The following ERP27 variants were observed in gnomAD, a reference collection of about 807,000 sequenced individuals.
ERP27 encodes the protein endoplasmic reticulum protein 27, also known as endoplasmic reticulum resident protein 27.
ERP27 carries 23 observed loss-of-function variants against 27.7 expected under a neutral mutation model. That is an observed-to-expected ratio of 0.83 (90% confidence interval 0.60 to 1.18). The LOEUF (loss-of-function observed/expected upper bound fraction) is 1.18, where lower values mean the gene tolerates loss of function less well. Among genes scored for constraint, ERP27 ranks in the 50% most tolerant of loss-of-function variants. ERP27 has a pLI of 0.00. For missense variants in ERP27, 363 were observed against 327.9 expected (o/e 1.11, Z -0.83); for synonymous variants, 159 against 118.3 (o/e 1.34, Z -2.23).
intron 3 of ERP27, among the ~76,000 whole-genome samples, chr12:14,923,923 C>T (rs1758499544): frequency 6.6e-6 from 1 of 152,154 alleles, no homozygotes; most frequent in South Asian, 2.1e-4. Context: ...ACTCACCCTA[C>T]TGTGCAATAG....
intron 3 of ERP27, among the ~76,000 whole-genome samples, chr12:14,932,430 A>G (rs1308997702): frequency 6.6e-6 from 1 of 152,162 alleles, no homozygotes; most frequent in African/African-American, 2.4e-5. Flanking sequence ...TCTAGACAGA[A>G]GGAATAGTCT....
intron 4 of ERP27, 65 bp downstream of exon 4, chr12:14,920,867 T>TA (rs1863490973): frequency 4.0e-6 from 5 of 1,256,108 alleles, no homozygotes; most frequent in Non-Finnish European, 1.2e-6. Flanking sequence ...AGACCTCTGT[T>TA]ATGAAGACCA....
intron 1 of ERP27, 68 bp downstream of exon 1, chr12:14,938,347 C>T: frequency 1.3e-6 from 2 of 1,492,016 alleles, no homozygotes. Flanking sequence ...CAGAGAACCA[C>T]CATGCTCCCT....
At chr12:14,931,489 G>T (rs1320446237) in intron 3 of ERP27, among the ~76,000 whole-genome samples, 10 of 152,110 alleles carry the variant, frequency 6.6e-5, no homozygotes, top group Admixed American at 6.5e-4. Flanking sequence ...CAAAAGTTGA[G>T]CTTCTTCCAG....
chr12:14,915,978 T>A, intron 5 of ERP27: 1 of 251,854 alleles, frequency 4.0e-6, no homozygotes, highest in Non-Finnish European at 7.6e-6. Context: ...TGAGAACTCC[T>A]GAACACAAAG....
chr12:14,918,133 G>A (rs1004920074), intron 4 of ERP27, among the ~76,000 whole-genome samples: 1 of 152,108 alleles, frequency 6.6e-6, no homozygotes, highest in Non-Finnish European at 1.5e-5. Flanking sequence ...AATCTTCAAG[G>A]TCCCAGTTTT....
chr12:14,929,258 A>T, intron 3 of ERP27: 1 of 671,706 alleles, frequency 1.5e-6, no homozygotes, highest in Non-Finnish European at 2.1e-6. Flanking sequence ...TTGGAGGCAG[A>T]GGATGTTAAG....
intron 5 of ERP27, among the ~76,000 whole-genome samples, chr12:14,916,795 C>T (rs982125500): frequency 5.9e-5 from 9 of 151,946 alleles, no homozygotes; most frequent in Non-Finnish European, 1.2e-4. Flanking sequence ...TGAGCAGGCA[C>T]CAGGTACTTG....
intron 3 of ERP27, among the ~76,000 whole-genome samples, chr12:14,930,102 C>T (rs745794757): frequency 1.1e-4 from 17 of 151,946 alleles, no homozygotes; most frequent in Non-Finnish European, 2.1e-4. Context: ...TAGATAGGTG[C>T]AGCAAACCAC....
At chr12:14,929,448 T>C (rs9651807) in intron 3 of ERP27, among the ~76,000 whole-genome samples, 11,308 of 152,190 alleles carry the variant, frequency 0.074, 1,283 homozygotes, top group African/African-American at 0.24. Context: ...ACAGGAAATC[T>C]CCCTCTGTAA....
intron 3 of ERP27, among the ~76,000 whole-genome samples, chr12:14,924,045 C>T (rs1863556983): frequency 6.6e-6 from 1 of 152,136 alleles, no homozygotes; most frequent in Admixed American, 6.5e-5. Context: ...CCTCCGCTCC[C>T]CAGCTTTCCA....
Position 14,938,020 on chromosome 12 carries a change from G to C in ERP27, c.127C>G (p.Leu43Val), listed in dbSNP as rs1863797661. The C allele has an allele frequency of 6.2e-7, 1 of 1,614,108 alleles. No individual in the cohort carries two copies. Among genetic ancestry groups the C allele is most frequent in the East Asian group, 2.2e-5 (1 of 44,870 alleles). Reference protein sequence around the residue: ...GPGAAQEPTWLTDVPAAMEFI... With the variant: ...GPGAAQEPTWVTDVPAAMEFI... ...TCCATGGCAGCTGGGACATCTGTGA[G>C]CCACGTGGGTTCCTGGGCAGCACCA... Residue 43 changes from leucine (L) to valine (V), a missense_variant, in exon 2 of 7, where the codon CTC becomes GTC. Transcript: ENST00000266397.
At chr12:14,938,263 C>T in intron 1 of ERP27, 152 bp downstream of exon 1, 1 of 847,388 alleles carries the variant, frequency 1.2e-6, no homozygotes, top group Non-Finnish European at 1.9e-6. Context: ...GCCAGACTTC[C>T]CTACTCTCTA....
At position 14,935,142 on chromosome 12, in the gene ERP27, G is replaced by A. The variant is rs997526814; in HGVS notation, c.196-149C>T. 2.4e-5 allele frequency: 35 copies of A among 1,438,560 alleles called. No individual in the cohort carries two copies. The East Asian group carries it at 8.4e-4, about 34-fold the overall frequency. 89.1% of individuals were successfully genotyped at this position (1,438,560 alleles called of 1,614,324 possible). On this transcript the variant is annotated intron_variant, in intron 2 of 6. Transcript: ENST00000266397. ...ACATGATTTACCCCTAACAATTCAG[G>A]TTTAACTGGCAGTGACATTCTTGAA...
intron 4 of ERP27, among the ~76,000 whole-genome samples, chr12:14,919,500 A>G (rs1184678298): frequency 6.6e-6 from 1 of 152,108 alleles, no homozygotes; most frequent in East Asian, 1.9e-4. Flanking sequence ...TACTGCCAAT[A>G]CCCCAGGGGC....
intron 2 of ERP27, among the ~76,000 whole-genome samples, chr12:14,936,447 T>C (rs1863774632): frequency 6.6e-6 from 1 of 152,102 alleles, no homozygotes; most frequent in Non-Finnish European, 1.5e-5. Context: ...GGGACCTTTA[T>C]CCATAGCAGC....
chr12:14,931,792 C>A (rs1863701474), intron 3 of ERP27, among the ~76,000 whole-genome samples: 1 of 151,580 alleles, frequency 6.6e-6, no homozygotes, highest in South Asian at 2.1e-4. Flanking sequence ...TGGTACTAAG[C>A]CTTTTAAATC....
At chr12:14,924,927 G>C (rs1863575963) in intron 3 of ERP27, among the ~76,000 whole-genome samples, 1 of 152,198 alleles carries the variant, frequency 6.6e-6, no homozygotes, top group African/African-American at 2.4e-5. Flanking sequence ...CGTCGTCCCT[G>C]TTACCTTCCC....
chr12:14,938,451 C>G lies in ERP27; in HGVS notation c.58G>C (p.Ala20Pro), dbSNP rs1366303133. ...FLLFLLTCEL[A>P]AEVAAEVEKS... ...TCAACTTCTGCAGCAACTTCTGCAG[C>G]CAGCTCACACGTGAGGAGAAATAAG... The change falls in exon 1 of 7, where the codon GCT becomes CCT. Residue 20 changes from alanine to proline, a missense_variant. Coordinates refer to ENST00000266397, the MANE Select transcript of ERP27 (RefSeq NM_152321.4). The G allele has an allele frequency of 1.9e-6, 3 of 1,614,156 alleles. No homozygotes were observed.
Sources: allele counts gnomAD v4.1 joint callset (sites outside exome capture counted in the v4.1 genomes callset), GRCh38; gene constraint gnomAD v4.1.1; transcripts MANE v1.5; gene names NCBI Gene and HGNC (gene_info 2026-07-23, HGNC 2026-07-21).